NCAPD3: variants seen among roughly 807,000 people sequenced by gnomAD.
The protein encoded by NCAPD3 is non-SMC condensin II complex subunit D3.
A neutral mutation model predicts 182.9 loss-of-function variants in NCAPD3; 105 were observed. The ratio of observed to expected loss-of-function variants is 0.57; its 90% CI spans 0.49 to 0.68. The LOEUF (loss-of-function observed/expected upper bound fraction) is 0.68. Ranked by LOEUF, NCAPD3 falls within the 30% of genes least tolerant of loss-of-function variation. The pLI is 0.00. For missense variants in NCAPD3, 1,944 were observed against 1,837.0 expected, an observed-to-expected ratio of 1.06 and a Z score of -1.07; for synonymous variants, 815 against 679.9, an observed-to-expected ratio of 1.20 and a Z score of -3.09.
intron 13 of NCAPD3, among the ~76,000 whole-genome samples, chr11:134,201,408 C>T (rs900917196): frequency 6.6e-6 from 1 of 152,034 alleles, no homozygotes; most frequent in African/African-American, 2.4e-5. Flanking sequence ...CTGCTAATGG[C>T]TATGGGGTTT....
chr11:134,163,375 GATATA>G (rs773301943), intron 27 of NCAPD3, among the ~76,000 whole-genome samples: 1 of 152,052 alleles, frequency 6.6e-6, no homozygotes, highest in Non-Finnish European at 1.5e-5. Context: ...GTCTGTTTCA[GATATA>G]ATAAAATGAT....
intron 13 of NCAPD3, among the ~76,000 whole-genome samples, chr11:134,201,030 T>G (rs2136007472): frequency 6.6e-6 from 1 of 151,542 alleles, no homozygotes; most frequent in East Asian, 1.9e-4. Context: ...TAGGCAATTT[T>G]TTTTTTTTTT....
At chr11:134,216,842 T>C in intron 3 of NCAPD3, 94 bp downstream of exon 3, 1 of 1,322,982 alleles carries the variant, frequency 7.6e-7, no homozygotes, top group Non-Finnish European at 1.0e-6. Flanking sequence ...GCCCCATTTA[T>C]AAGTGAAGAA....
intron 14 of NCAPD3, 118 bp from the exon 15 acceptor site, chr11:134,194,268 G>T: frequency 9.5e-7 from 1 of 1,055,922 alleles, no homozygotes; most frequent in Non-Finnish European, 1.3e-6. Context: ...TGGGGTCATG[G>T]ATCCAACCTT....
At chr11:134,178,979 A>C in intron 20 of NCAPD3, 43 bp from the exon 21 acceptor site, 1 of 1,328,524 alleles carries the variant, frequency 7.5e-7, no homozygotes, top group Non-Finnish European at 1.1e-6. Context: ...AGGCAAAAGA[A>C]AAGTGAACTC....
rs538657210 is a variant in NCAPD3, at chr11:134,164,927, G to C, written c.3574-3036C>G. On this transcript the variant is annotated intron_variant, in intron 27 of 34. Coordinates refer to ENST00000534548, the MANE Select transcript of NCAPD3 (RefSeq NM_015261.3). ...AGCTGCACACTCACTTGTGAGATGA[G>C]CTTAGGGGGAGGGGCACACTCACTT... Among the ~76,000 whole-genome samples, 3 of 151,154 alleles carry C rather than the reference G, an allele frequency of 2.0e-5. No homozygotes were observed. The South Asian group carries it at 6.3e-4, about 32-fold the overall frequency.
chr11:134,157,836 AAC>A, intron 31 of NCAPD3, 90 bp downstream of exon 31: 1 of 1,356,860 alleles, frequency 7.4e-7, no homozygotes, highest in Non-Finnish European at 9.9e-7. Flanking sequence ...AAGATAAGAA[AAC>A]ACACCGCTTT....
chr11:134,190,736 C>G (rs957037399), intron 16 of NCAPD3, among the ~76,000 whole-genome samples: 2 of 152,182 alleles, frequency 1.3e-5, no homozygotes, highest in African/African-American at 2.4e-5. Flanking sequence ...CTCAGCCTCC[C>G]AGAGTGCTGG....
At chr11:134,176,623 C>T (rs1215266961) in intron 23 of NCAPD3, among the ~76,000 whole-genome samples, 2 of 152,192 alleles carry the variant, frequency 1.3e-5, no homozygotes, top group Non-Finnish European at 2.9e-5. Context: ...ATGGTGCCAC[C>T]CTCTATTTAT....
Position 134,151,097 on chromosome 11 carries a change from G to GC in NCAPD3, c.*1846_*1847insG. The GC allele has an allele frequency of 6.6e-6, 1 of 152,400 alleles. No individual in the cohort carries two copies. The highest frequency in any genetic ancestry group is 1.9e-4 in the East Asian group (1 of 5,186). The allele number at this position is 152,400 out of a possible 1,614,324, so 9.4% of individuals were successfully genotyped here. The stretch of plus-strand genomic sequence containing the variant: ...GTGCTGTAAAGCAAGGAGCTGCTGA[G>GC]AAGGAGCACTCCACTGTGTGCCTGG... On this transcript the variant is annotated 3_prime_UTR_variant, in exon 35 of 35. Transcript: ENST00000534548.
intron 24 of NCAPD3, among the ~76,000 whole-genome samples, chr11:134,169,810 C>T (rs936295676): frequency 2.0e-5 from 3 of 152,254 alleles, no homozygotes; most frequent in African/African-American, 7.2e-5. Context: ...TGCCAAAGCA[C>T]TGATTTTTGC....
In NCAPD3 at chr11:134,185,497, CAGATATGAAA is replaced by C; in HGVS notation, c.2065_2074del (p.Phe689GlyfsTer12). 1 of 1,603,050 alleles carries C rather than the reference CAGATATGAAA, an allele frequency of 6.2e-7. No individual in the cohort carries two copies. Among genetic ancestry groups the C allele is most frequent in the African/African-American group, 1.3e-5 (1 of 74,268 alleles). ...GGGTGAGAATTTTTCTTTCTTGGACCAGATATGAAAAGCCTTATTTAAATATCGGCTGGAA... is the reference window on the plus strand; with the variant it reads ...GGGTGAGAATTTTTCTTTCTTGGACCAGCCTTATTTAAATATCGGCTGGAA... On this transcript the variant is annotated frameshift_variant, in exon 17 of 35. Transcript: ENST00000534548. LOFTEE classifies it high-confidence loss of function.
At chr11:134,212,536 C>T (rs142777800) in intron 3 of NCAPD3, among the ~76,000 whole-genome samples, 16 of 151,966 alleles carry the variant, frequency 1.1e-4, no homozygotes, top group African/African-American at 3.9e-4. Context: ...CATGCGTTAC[C>T]ACATTGGGCT....
At chr11:134,164,663 G>A in intron 27 of NCAPD3, among the ~76,000 whole-genome samples, 1 of 150,634 alleles carries the variant, frequency 6.6e-6, no homozygotes, top group East Asian at 2.0e-4. Flanking sequence ...TGTGACATGA[G>A]CTTGGGGGAG....
Position 134,177,376 on chromosome 11 carries a change from A to G in NCAPD3, c.2864T>C (p.Val955Ala). 1 of 1,614,268 alleles carries G rather than the reference A, an allele frequency of 6.2e-7. No homozygotes were observed. The highest frequency in any genetic ancestry group is 8.5e-7 in the Non-Finnish European group (1 of 1,180,046). The change falls in exon 23 of 35, where the codon GTG becomes GCG. Residue 955 changes from valine (V) to alanine (A), a missense_variant. Coordinates refer to ENST00000534548, the MANE Select transcript of NCAPD3 (RefSeq NM_015261.3). ...LVRELEVCEDVAVRNNVIIVM... is the reference protein window; with the variant it reads ...LVRELEVCEDAAVRNNVIIVM... The stretch of plus-strand genomic sequence containing the variant: ...AATGATGACGTTGTTGCGGACAGCC[A>G]CGTCCTCACACACCTCGAGCTCTCG...
intron 13 of NCAPD3, among the ~76,000 whole-genome samples, chr11:134,199,856 A>T (rs1476715095): frequency 6.6e-6 from 1 of 152,242 alleles, no homozygotes; most frequent in Non-Finnish European, 1.5e-5. Context: ...CAATCAACAC[A>T]ATGTGGTACA....
chr11:134,161,716 G>T, intron 28 of NCAPD3, 65 bp downstream of exon 28: 3 of 961,302 alleles, frequency 3.1e-6, no homozygotes, highest in Non-Finnish European at 4.9e-6. Flanking sequence ...TGTCATAACT[G>T]GCAGAAGATC....
intron 2 of NCAPD3, among the ~76,000 whole-genome samples, chr11:134,219,290 C>T (rs1463373500): frequency 3.9e-5 from 6 of 152,242 alleles, no homozygotes; most frequent in East Asian, 1.9e-4. Flanking sequence ...GCAACAAATC[C>T]GCACCTCTCT....
At chr11:134,224,145 C>T, upstream of NCAPD3, 1 of 608,302 alleles carries the variant, frequency 1.6e-6, no homozygotes, top group Non-Finnish European at 2.9e-6. Context: ...AACAAGGCTC[C>T]TGCGGGTGTT....
Sources: gnomAD v4.1 joint callset for allele counts (sites outside exome capture counted in the v4.1 genomes callset) on GRCh38, gnomAD v4.1.1 for gene constraint, MANE v1.5 for transcripts, NCBI Gene and HGNC (gene_info 2026-07-23, HGNC 2026-07-21) for gene names.